GPR158: variants seen among roughly 807,000 people sequenced by gnomAD.
GPR158 encodes metabotropic glycine receptor.
A neutral mutation model predicts 78.2 loss-of-function variants in GPR158; 30 were observed. The observed-to-expected ratio is 0.38, with a 90% CI of 0.29 to 0.52. The LOEUF (loss-of-function observed/expected upper bound fraction) is 0.52, where lower values mean the gene tolerates loss of function less well. Among genes scored for constraint, GPR158 ranks in the 20% least tolerant of loss-of-function variants. The pLI is 0.83. For synonymous variants in GPR158, 581 were observed against 591.1 expected (o/e 0.98, Z 0.25); for missense variants, 1,463 against 1,523.5 (o/e 0.96, Z 0.66).
intron 5 of GPR158, among the ~76,000 whole-genome samples, chr10:25,546,304 G>C (rs917709611): frequency 1.3e-5 from 2 of 152,060 alleles, no homozygotes; most frequent in Non-Finnish European, 2.9e-5. Context: ...TGGTTCTCTT[G>C]TTCACCCCCA....
chr10:25,540,613 TA>T (rs1467909876), intron 5 of GPR158, among the ~76,000 whole-genome samples: 4 of 151,542 alleles, frequency 2.6e-5, no homozygotes, highest in African/African-American at 9.7e-5. Context: ...TATGCAGCCA[TA>T]AAAAAGGATG....
At chr10:25,423,116 T>C (rs1834774331) in intron 4 of GPR158, among the ~76,000 whole-genome samples, 1 of 144,574 alleles carries the variant, frequency 6.9e-6, no homozygotes, top group African/African-American at 2.7e-5. Flanking sequence ...TCTACACATA[T>C]ATACATATAT....
intron 7 of GPR158, among the ~76,000 whole-genome samples, chr10:25,576,510 G>A (rs1200610957): frequency 6.6e-6 from 1 of 151,956 alleles, no homozygotes; most frequent in Admixed American, 6.5e-5. Flanking sequence ...AAAGAAAATG[G>A]GCATTTTTAA....
intron 7 of GPR158, among the ~76,000 whole-genome samples, chr10:25,579,896 T>C (rs1837164644): frequency 6.6e-6 from 1 of 152,228 alleles, no homozygotes; most frequent in Non-Finnish European, 1.5e-5. Flanking sequence ...TGTAATTCTT[T>C]CTTTCTGTAT....
At chr10:25,595,254 C>T in intron 9 of GPR158, among the ~76,000 whole-genome samples, 1 of 152,138 alleles carries the variant, frequency 6.6e-6, no homozygotes, top group Non-Finnish European at 1.5e-5. Context: ...AAGTCTAAAC[C>T]ATTGTAAACA....
chr10:25,459,980 T>G (rs1392877822), intron 4 of GPR158, among the ~76,000 whole-genome samples: 1 of 152,124 alleles, frequency 6.6e-6, no homozygotes, highest in Non-Finnish European at 1.5e-5. Flanking sequence ...GTATATTGAT[T>G]AGGGTTTATG....
intron 5 of GPR158, among the ~76,000 whole-genome samples, chr10:25,548,561 T>G (rs1398143048): frequency 6.6e-6 from 1 of 152,152 alleles, no homozygotes; most frequent in Non-Finnish European, 1.5e-5. Context: ...GCTGTGCCCA[T>G]TTTACAAATG....
intron 1 of GPR158, among the ~76,000 whole-genome samples, chr10:25,185,722 C>G (rs1448428149): frequency 6.6e-6 from 1 of 151,912 alleles, no homozygotes; most frequent in Non-Finnish European, 1.5e-5. Context: ...ACTCGAGAGG[C>G]TGAGGCAGGA....
intron 1 of GPR158, among the ~76,000 whole-genome samples, chr10:25,185,099 A>C (rs7903171): frequency 0.082 from 12,494 of 152,228 alleles, 1,482 homozygotes; most frequent in African/African-American, 0.26. Flanking sequence ...GACATTGCCA[A>C]ATATCCCCTG....
chr10:25,467,508 T>A (rs949797907), intron 5 of GPR158, among the ~76,000 whole-genome samples: 5 of 152,154 alleles, frequency 3.3e-5, no homozygotes, highest in Non-Finnish European at 7.3e-5. Flanking sequence ...GTAAAAATAT[T>A]ATGATTTTCT....
intron 2 of GPR158, among the ~76,000 whole-genome samples, chr10:25,315,693 T>C (rs1854836862): frequency 6.6e-6 from 1 of 152,150 alleles, no homozygotes; most frequent in Admixed American, 6.5e-5. Flanking sequence ...TTTGTTTCCT[T>C]TGCTCTTTAA....
Position 25,311,617 on chromosome 10 carries a change from T to G in GPR158, c.1009-84294T>G, listed in dbSNP as rs980540718. Among the ~76,000 whole-genome samples the G allele has an allele frequency of 2.6e-5, 4 of 152,008 alleles. No homozygotes were observed. In the East Asian group the frequency reaches 7.7e-4, roughly 29 times the overall value. ...GAATTGAGATAGTTTTACTTGTTTT[T>G]CTATTCTAATGCTCGAATTCAGCAT... On this transcript the variant is annotated intron_variant, in intron 2 of 10. Coordinates refer to ENST00000376351, the MANE Select transcript of GPR158 (RefSeq NM_020752.3).
At chr10:25,534,586 CA>C (rs57381468) in intron 5 of GPR158, among the ~76,000 whole-genome samples, 24,385 of 110,024 alleles carry the variant, frequency 0.22, 2,510 homozygotes, top group African/African-American at 0.35. Context: ...ACTAAAAATG[CA>C]AAAAAAAAAA....
intron 4 of GPR158, among the ~76,000 whole-genome samples, chr10:25,463,302 G>C (rs1213877128): frequency 1.3e-5 from 2 of 152,064 alleles, no homozygotes; most frequent in African/African-American, 4.8e-5. Flanking sequence ...TATATGCACT[G>C]GGAAACCACA....
intron 4 of GPR158, among the ~76,000 whole-genome samples, chr10:25,417,578 C>T (rs1256335025): frequency 6.6e-6 from 1 of 152,120 alleles, no homozygotes; most frequent in East Asian, 1.9e-4. Flanking sequence ...CTGGTCTTTA[C>T]TGAGTTTTCA....
chr10:25,392,343 T>C (rs1834311305), intron 2 of GPR158, among the ~76,000 whole-genome samples: 1 of 152,128 alleles, frequency 6.6e-6, no homozygotes. Flanking sequence ...GCTCCACACT[T>C]GGCTTGCCCT....
intron 2 of GPR158, among the ~76,000 whole-genome samples, chr10:25,387,700 G>A (rs1447829474): frequency 4.6e-5 from 7 of 151,972 alleles, no homozygotes; most frequent in Admixed American, 2.0e-4. Context: ...ATTTTTAGCA[G>A]AGACAGGGTT....
intron 2 of GPR158, chr10:25,393,876 C>G (rs1306847708): frequency 6.6e-6 from 1 of 152,228 alleles, no homozygotes; most frequent in Non-Finnish European, 1.5e-5. Flanking sequence ...ACTGAAGGCA[C>G]TGCTTAGTGA....
Position 25,221,836 on chromosome 10 carries a change from GAACA to G in GPR158, c.1008+684_1008+687del, listed in dbSNP as rs148236976. ...CCATTTCCAAGGTCCTCAAACTATG[GAACA>G]AACATACAATAAAGTTCTTGATCTT... On this transcript the variant is annotated intron_variant, in intron 2 of 10. Transcript: ENST00000376351. Among the ~76,000 whole-genome samples the G allele has an allele frequency of 8.2e-3, 1,254 of 152,216 alleles. 16 individuals are homozygous for G. Among genetic ancestry groups the G allele is most frequent in the African/African-American group, 0.029 (1,198 of 41,528 alleles).
Sources: allele counts gnomAD v4.1 joint callset (sites outside exome capture counted in the v4.1 genomes callset), GRCh38; gene constraint gnomAD v4.1.1; transcripts MANE v1.5; gene names NCBI Gene and HGNC (gene_info 2026-07-23, HGNC 2026-07-21).